CSGALNACT1: variants seen among roughly 807,000 people sequenced by gnomAD.
The protein encoded by CSGALNACT1 is chondroitin sulfate N-acetylgalactosaminyltransferase 1.
In CSGALNACT1, 52 loss-of-function variants were observed where a neutral mutation model predicts 51.0. The ratio of observed to expected loss-of-function variants is 1.02; its 90% confidence interval spans 0.82 to 1.29. The LOEUF (loss-of-function observed/expected upper bound fraction) is 1.29. CSGALNACT1 is among the 50% of genes most tolerant of loss of function. CSGALNACT1 has a pLI of 0.00. For missense variants in CSGALNACT1, 935 were observed against 679.2 expected (o/e 1.38, Z -4.19); for synonymous variants, 341 against 254.4 (o/e 1.34, Z -3.24).
intron 4 of CSGALNACT1, among the ~76,000 whole-genome samples, chr8:19,483,431 C>T (rs1219753742): frequency 6.6e-6 from 1 of 152,202 alleles, no homozygotes; most frequent in Non-Finnish European, 1.5e-5. Context: ...TGGATTTTAG[C>T]CTTATGAATT....
chr8:19,503,027 TTCCTC>T (rs1471666031), intron 4 of CSGALNACT1, among the ~76,000 whole-genome samples: 1 of 152,322 alleles, frequency 6.6e-6, no homozygotes, highest in East Asian at 1.9e-4. Context: ...CACCTGCAGC[TTCCTC>T]TGACTAGTAG....
At chr8:19,676,298 C>T in intron 1 of CSGALNACT1, among the ~76,000 whole-genome samples, 1 of 152,062 alleles carries the variant, frequency 6.6e-6, no homozygotes, top group Non-Finnish European at 1.5e-5. Flanking sequence ...TTTAGAGCAG[C>T]TATTTTAGCT....
chr8:19,739,648 C>T (rs1370731688), intron 1 of CSGALNACT1, among the ~76,000 whole-genome samples: 1 of 152,154 alleles, frequency 6.6e-6, no homozygotes, highest in Non-Finnish European at 1.5e-5. Context: ...GGGGGCAGAC[C>T]GTTCCTCTGC....
At chr8:19,698,267 G>A (rs540453271) in intron 1 of CSGALNACT1, among the ~76,000 whole-genome samples, 15 of 152,302 alleles carry the variant, frequency 9.8e-5, no homozygotes, top group South Asian at 8.3e-4. Context: ...CAGAACCAAC[G>A]CTCTTTCCAT....
At chr8:19,678,633 A>C (rs1589459182) in intron 1 of CSGALNACT1, 1 of 152,246 alleles carries the variant, frequency 6.6e-6, no homozygotes, top group Non-Finnish European at 1.5e-5. Context: ...GTGGGACCTC[A>C]AGGCAGCAGA....
upstream of CSGALNACT1, among the ~76,000 whole-genome samples, chr8:19,686,247 C>A: frequency 6.6e-6 from 1 of 152,122 alleles, no homozygotes; most frequent in South Asian, 2.1e-4. Flanking sequence ...ACAGGGTGGT[C>A]TCCATGTCAG....
intron 1 of CSGALNACT1, among the ~76,000 whole-genome samples, chr8:19,741,835 A>C (rs768510877): frequency 3.3e-5 from 5 of 152,218 alleles, no homozygotes; most frequent in African/African-American, 7.2e-5. Flanking sequence ...ATAATTAATA[A>C]TGATGAGAGC....
At chr8:19,717,337 G>A (rs2062866598) in intron 1 of CSGALNACT1, among the ~76,000 whole-genome samples, 1 of 152,206 alleles carries the variant, frequency 6.6e-6, no homozygotes, top group Non-Finnish European at 1.5e-5. Flanking sequence ...CTATGTAGCT[G>A]TGAACTATTA....
intron 3 of CSGALNACT1, among the ~76,000 whole-genome samples, chr8:19,558,430 A>C (rs1406870811): frequency 6.6e-6 from 1 of 152,208 alleles, no homozygotes; most frequent in East Asian, 1.9e-4. Flanking sequence ...TTAGGGATTT[A>C]AGGGTCCCTA....
At chr8:19,405,422 G>C (rs946541139) in exon 10 of CSGALNACT1, 1 of 473,618 alleles carries the variant, frequency 2.1e-6, no homozygotes, top group African/African-American at 2.0e-5. Flanking sequence ...TCATGCTAAT[G>C]AATTTTTTAC....
At chr8:19,664,646 AACACACACAC>A (rs34245346) in intron 1 of CSGALNACT1, among the ~76,000 whole-genome samples, 3 of 150,700 alleles carry the variant, frequency 2.0e-5, no homozygotes, top group South Asian at 2.1e-4. Context: ...CAAACACACA[AACACACACAC>A]ACACACACAT....
intron 1 of CSGALNACT1, among the ~76,000 whole-genome samples, chr8:19,616,059 C>T (rs1179988734): frequency 1.3e-5 from 2 of 151,908 alleles, no homozygotes; most frequent in Non-Finnish European, 2.9e-5. Context: ...ATAAAATGCA[C>T]CCATTTAAAA....
At chr8:19,586,482 A>G (rs995431160) in intron 3 of CSGALNACT1, among the ~76,000 whole-genome samples, 8 of 152,144 alleles carry the variant, frequency 5.3e-5, no homozygotes, top group African/African-American at 1.2e-4. Context: ...TCTAAAACAT[A>G]TAAGATCCCC....
chr8:19,554,546 C>A (rs1281558626), intron 3 of CSGALNACT1, among the ~76,000 whole-genome samples: 34 of 43,524 alleles, frequency 7.8e-4, no homozygotes, highest in Non-Finnish European at 1.2e-3. Context: ...ATTGAGCAAA[C>A]TGACAGTTTC....
At chr8:19,481,832 T>C (rs2071481275) in intron 4 of CSGALNACT1, among the ~76,000 whole-genome samples, 1 of 152,188 alleles carries the variant, frequency 6.6e-6, no homozygotes, top group Admixed American at 6.5e-5. Flanking sequence ...ACCCATCTTA[T>C]GTGCAAAGCT....
intron 2 of CSGALNACT1, among the ~76,000 whole-genome samples, chr8:19,592,559 G>A (rs576753824): frequency 4.6e-5 from 7 of 152,260 alleles, no homozygotes; most frequent in Non-Finnish European, 7.4e-5. Flanking sequence ...TGAGACCAGC[G>A]TGGGCACCAT....
chr8:19,535,156 T>C (rs1042894248), intron 3 of CSGALNACT1, among the ~76,000 whole-genome samples: 1 of 152,180 alleles, frequency 6.6e-6, no homozygotes, highest in Non-Finnish European at 1.5e-5. Flanking sequence ...TTCCAAATTA[T>C]CATCCCTGTG....
chr8:19,668,033 T>C (rs920425466), intron 1 of CSGALNACT1, among the ~76,000 whole-genome samples: 1 of 152,144 alleles, frequency 6.6e-6, no homozygotes, highest in East Asian at 1.9e-4. Flanking sequence ...AGTAAGAATA[T>C]AAAAACTTGA....
At chr8:19,494,252 C>T (rs1280264289) in intron 4 of CSGALNACT1, among the ~76,000 whole-genome samples, 1 of 152,126 alleles carries the variant, frequency 6.6e-6, no homozygotes, top group Non-Finnish European at 1.5e-5. Context: ...TTGTGCATAC[C>T]TCCATGTTTT....
Sources: gnomAD v4.1 joint callset for allele counts (sites outside exome capture counted in the v4.1 genomes callset) on GRCh38, gnomAD v4.1.1 for gene constraint, MANE v1.5 for transcripts, NCBI Gene and HGNC (gene_info 2026-07-23, HGNC 2026-07-21) for gene names.